P3H2: variants seen among roughly 807,000 people sequenced by gnomAD.
P3H2 encodes the protein prolyl 3-hydroxylase 2, also known as leprecan-like 1.
P3H2 carries 80 observed loss-of-function variants against 87.0 expected under a neutral mutation model. The observed-to-expected ratio is 0.92, with a 90% CI of 0.77 to 1.11. The LOEUF (loss-of-function observed/expected upper bound fraction) is 1.11, where lower values mean the gene tolerates loss of function less well. Ranked by LOEUF, P3H2 falls within the 50% of genes least tolerant of loss-of-function variation. The pLI, the probability that P3H2 is intolerant of heterozygous loss-of-function variation, is 0.00. For missense variants in P3H2, 1,001 were observed against 923.9 expected (o/e 1.08, Z -1.08); for synonymous variants, 367 against 359.3 (o/e 1.02, Z -0.24).
chr3:190,120,377 A>G lies in P3H2; in HGVS notation c.355T>C (p.Cys119Arg), dbSNP rs759546991. ...CGCTGGGTCTCACAGCTGCGATAACAGCGCGCCCGCCCCAACAAGGAGCGG... is the reference window on the plus strand; with the variant it reads ...CGCTGGGTCTCACAGCTGCGATAACGGCGCGCCCGCCCCAACAAGGAGCGG... ...LFRSLLGRARCYRSCETQRLG... is the reference protein window; with the variant it reads ...LFRSLLGRARRYRSCETQRLG... The change falls in exon 1 of 15, where the codon TGT (cysteine) becomes CGT (arginine). Residue 119 changes from cysteine to arginine, a missense_variant. Physicochemically the swap from Cys to Arg is radical, Grantham distance 180 (BLOSUM62 -3). Transcript: ENST00000319332. The G allele has an allele frequency of 1.9e-6, 3 of 1,542,132 alleles. No homozygotes were observed. In the East Asian group the frequency reaches 7.3e-5, roughly 38 times the overall value.
At chr3:189,985,143 G>A (rs527566888) in intron 6 of P3H2, among the ~76,000 whole-genome samples, 184 of 151,580 alleles carry the variant, frequency 1.2e-3, no homozygotes, top group African/African-American at 4.2e-3. Context: ...ATAAAAACAC[G>A]GCATAAGAAA....
chr3:190,120,688 G>GGCAGCAGCAGCA lies in P3H2; in HGVS notation c.32_43dup (p.Leu11_Leu14dup). 1 of 1,521,168 alleles carries GGCAGCAGCAGCA rather than the reference G, an allele frequency of 6.6e-7. No homozygotes were observed. Among genetic ancestry groups the GGCAGCAGCAGCA allele is most frequent in the Non-Finnish European group, 8.8e-7 (1 of 1,141,344 alleles). 94.2% of individuals were successfully genotyped at this position (1,521,168 alleles called of 1,614,324 possible). A position where few individuals can be genotyped will look rare whatever the true frequency, so the allele number is the denominator to read the frequency against. ...CCACAGTGGCGGCGGCAGTAGCAGC[G>GGCAGCAGCAGCA]GCAGCAGCAGCAGCAGCGGCGGCGC... On this transcript the variant is annotated inframe_insertion, in exon 1 of 15. Coordinates refer to ENST00000319332, the MANE Select transcript of P3H2 (RefSeq NM_018192.4).
chr3:190,054,047 A>G (rs1014003961), intron 1 of P3H2, among the ~76,000 whole-genome samples: 3 of 152,146 alleles, frequency 2.0e-5, no homozygotes, highest in African/African-American at 7.2e-5. Context: ...TCAGCTGGCC[A>G]TATATGCAGG....
intron 1 of P3H2, among the ~76,000 whole-genome samples, chr3:190,054,334 C>G (rs1165462142): frequency 6.6e-6 from 1 of 152,062 alleles, no homozygotes; most frequent in African/African-American, 2.4e-5. Context: ...CTCTGAGGAT[C>G]TGGTGAAGCC....
intron 1 of P3H2, among the ~76,000 whole-genome samples, chr3:190,002,994 T>C (rs763807130): frequency 6.6e-6 from 1 of 152,244 alleles, no homozygotes; most frequent in Non-Finnish European, 1.5e-5. Context: ...AATGAACTTA[T>C]CTTTGCATTT....
intron 1 of P3H2, among the ~76,000 whole-genome samples, chr3:190,016,134 G>C (rs1033787751): frequency 6.6e-6 from 1 of 152,086 alleles, no homozygotes; most frequent in African/African-American, 2.4e-5. Context: ...TCACTGATGG[G>C]ATTTTCCATT....
intron 1 of P3H2, among the ~76,000 whole-genome samples, chr3:190,040,035 G>A (rs1003467366): frequency 4.6e-5 from 7 of 152,236 alleles, no homozygotes; most frequent in Non-Finnish European, 7.4e-5. Flanking sequence ...GACTATAGTT[G>A]CATTAGATAT....
intron 1 of P3H2, among the ~76,000 whole-genome samples, chr3:190,097,111 C>T (rs931261278): frequency 5.9e-5 from 9 of 152,130 alleles, no homozygotes; most frequent in South Asian, 4.1e-4. Flanking sequence ...GAAGGCAAGA[C>T]GTGTGTGATG....
intron 1 of P3H2, among the ~76,000 whole-genome samples, chr3:190,001,961 A>G (rs1036469646): frequency 6.6e-6 from 1 of 152,192 alleles, no homozygotes; most frequent in African/African-American, 2.4e-5. Context: ...TAAAATTTGG[A>G]AGCAGTTTGT....
chr3:190,044,666 A>G (rs538607310), intron 1 of P3H2, among the ~76,000 whole-genome samples: 1 of 152,320 alleles, frequency 6.6e-6, no homozygotes, highest in African/African-American at 2.4e-5. Context: ...ATATGTAGCC[A>G]GAAAATACAA....
chr3:189,992,611 C>A (rs1192278458), intron 3 of P3H2, among the ~76,000 whole-genome samples: 1 of 152,138 alleles, frequency 6.6e-6, no homozygotes, highest in Non-Finnish European at 1.5e-5. Context: ...AGTATAGATT[C>A]TAGATTCAGA....
At chr3:190,100,850 G>T (rs1287914319) in intron 1 of P3H2, among the ~76,000 whole-genome samples, 1 of 151,996 alleles carries the variant, frequency 6.6e-6, no homozygotes, top group African/African-American at 2.4e-5. Context: ...TCCAGATATT[G>T]TTTTTCACAA....
chr3:190,070,707 T>C (rs1017042430), intron 1 of P3H2, among the ~76,000 whole-genome samples: 7 of 152,176 alleles, frequency 4.6e-5, no homozygotes, highest in Non-Finnish European at 1.0e-4. Flanking sequence ...CAGCCATCAT[T>C]CTCAAAAAAG....
chr3:189,958,127 A>G, intron 14 of P3H2, 123 bp from the exon 15 acceptor site: 1 of 740,410 alleles, frequency 1.4e-6, no homozygotes, highest in South Asian at 1.4e-5. Context: ...CCAGTTAAGC[A>G]TTGAACACCT....
rs1560342726 is a variant in P3H2 at position 189,973,038 on chromosome 3, A to AAT, written c.1549-15_1549-14insAT. The AAT allele has an allele frequency of 6.4e-7, 1 of 1,553,076 alleles. No homozygotes were observed. Among genetic ancestry groups the AAT allele is most frequent in the Admixed American group, 1.9e-5 (1 of 51,760 alleles). On this transcript the variant is annotated splice_polypyrimidine_tract_variant and intron_variant, in intron 10 of 14. Coordinates refer to ENST00000319332, the MANE Select transcript of P3H2 (RefSeq NM_018192.4). The stretch of plus-strand genomic sequence containing the variant: ...TTCATAACCAGACTGAAAAAAAAAA[A>AAT]CAAAACATGAGAAACAAATGGGTTC...
intron 1 of P3H2, among the ~76,000 whole-genome samples, chr3:190,004,434 G>C (rs577334156): frequency 5.0e-4 from 76 of 152,302 alleles, no homozygotes; most frequent in Non-Finnish European, 7.2e-4. Context: ...CCAGGCTGGA[G>C]TGCAGTGGCG....
intron 13 of P3H2, among the ~76,000 whole-genome samples, chr3:189,967,069 G>A (rs1723027257): frequency 6.6e-6 from 1 of 152,098 alleles, no homozygotes; most frequent in Admixed American, 6.5e-5. Context: ...ACCCATTTCT[G>A]TTGCTGTTGT....
chr3:190,052,416 T>C (rs567580321), intron 1 of P3H2, among the ~76,000 whole-genome samples: 8 of 152,290 alleles, frequency 5.3e-5, no homozygotes, highest in African/African-American at 9.6e-5. Context: ...GCAAAGGACA[T>C]AGACACTTCT....
At chr3:190,050,171 A>G (rs936418866) in intron 1 of P3H2, among the ~76,000 whole-genome samples, 7 of 152,232 alleles carry the variant, frequency 4.6e-5, no homozygotes, top group Admixed American at 3.9e-4. Context: ...ATTCTGTCCT[A>G]CGAAAGATCT....
Sources: gnomAD v4.1 joint callset for allele counts (sites outside exome capture counted in the v4.1 genomes callset) on GRCh38, gnomAD v4.1.1 for gene constraint, MANE v1.5 for transcripts, NCBI Gene and HGNC (gene_info 2026-07-23, HGNC 2026-07-21) for gene names.